The following SYNE2 variants were observed in gnomAD, a reference collection of about 807,000 sequenced individuals.
SYNE2 encodes spectrin repeat containing nuclear envelope protein 2, also known as nesprin-2.
SYNE2 carries 431 observed loss-of-function variants against 856.3 expected under a neutral mutation model. That is an observed-to-expected ratio of 0.50 (90% CI 0.47 to 0.55). The LOEUF (loss-of-function observed/expected upper bound fraction) is 0.55. SYNE2 is among the 20% of genes least tolerant of loss of function. SYNE2 has a pLI of 0.00. For synonymous variants in SYNE2, 2,923 were observed against 2,872.3 expected (o/e 1.02, Z -0.56); for missense variants, 8,129 against 8,023.2 (o/e 1.01, Z -0.50).
At chr14:64,209,156 G>A (rs762702923) in intron 101 of SYNE2, 3 of 837,184 alleles carry the variant, frequency 3.6e-6, no homozygotes, top group Non-Finnish European at 5.6e-6. Context: ...GGGTGTGGCT[G>A]TGGACTGGCC....
intron 94 of SYNE2, chr14:64,173,870 A>T (rs1482306900): frequency 3.1e-6 from 2 of 652,796 alleles, no homozygotes; most frequent in Non-Finnish European, 5.4e-6. Context: ...TTTTTGTATT[A>T]TAAATACCTA....
intron 73 of SYNE2, among the ~76,000 whole-genome samples, chr14:64,127,679 G>A (rs1283792164): frequency 6.6e-6 from 1 of 152,172 alleles, no homozygotes; most frequent in African/African-American, 2.4e-5. Flanking sequence ...CTCCAGGCAG[G>A]TAGAAGAGTT....
At chr14:64,214,173 C>T (rs1347065639) in intron 105 of SYNE2, 21 bp from the exon 106 acceptor site, 3 of 1,614,210 alleles carry the variant, frequency 1.9e-6, no homozygotes, top group Non-Finnish European at 1.7e-6. Flanking sequence ...TTAATTCTAA[C>T]AACTGGATAC....
Position 64,208,784 on chromosome 14 carries a change from C to T in SYNE2, c.18228C>T (p.His6076=), listed in dbSNP as rs780253368. The T allele has an allele frequency of 3.7e-6, 6 of 1,614,222 alleles. No individual in the cohort carries two copies. In the South Asian group the frequency reaches 5.5e-5, roughly 15 times the overall value. ...QQDLQRDIEQ[H]SAGVESVFNI... ...ATCTACAGCGAGATATTGAACAACA[C>T]AGCGCAGGGGTGGAGTCCGTGTTTA... The change falls in exon 101 of 116, where the codon CAC becomes CAT. Residue 6076 remains histidine (H), a synonymous_variant. Coordinates refer to ENST00000555002, the MANE Select transcript of SYNE2 (RefSeq NM_182914.3).
intron 66 of SYNE2, 24 bp downstream of exon 66, chr14:64,113,595 A>G (rs760881100): frequency 1.3e-6 from 2 of 1,579,054 alleles, no homozygotes; most frequent in South Asian, 1.2e-5. Flanking sequence ...GTCAGAGTTC[A>G]TGGTTTGCCT....
chr14:64,105,599 G>A lies in SYNE2; in HGVS notation c.12493-1892G>A, dbSNP rs565732350. ...ACAACTTGCAAGTAGAGCAATCAAGGTTGGTTGATTATAATATCCACATGC... is the reference window on the plus strand; with the variant it reads ...ACAACTTGCAAGTAGAGCAATCAAGATTGGTTGATTATAATATCCACATGC... On this transcript the variant is annotated intron_variant, in intron 64 of 115. Coordinates refer to ENST00000555002, the MANE Select transcript of SYNE2 (RefSeq NM_182914.3). Among the ~76,000 whole-genome samples, 89 of 152,298 alleles carry A rather than the reference G, an allele frequency of 5.8e-4. 3 individuals are homozygous for A. The highest frequency in any genetic ancestry group is 3.5e-3 in the South Asian group (17 of 4,824).
At chr14:64,002,635 A>T in intron 29 of SYNE2, 85 bp from the exon 30 acceptor site, 1 of 1,451,060 alleles carries the variant, frequency 6.9e-7, no homozygotes, top group Non-Finnish European at 9.4e-7. Context: ...GATCAAATCT[A>T]GTCATGCAGT....
At chr14:64,124,188 AC>A (rs2097919101) in intron 70 of SYNE2, among the ~76,000 whole-genome samples, 1 of 151,862 alleles carries the variant, frequency 6.6e-6, no homozygotes, top group Non-Finnish European at 1.5e-5. Flanking sequence ...CCTGGTGACA[AC>A]AGCGAGACTC....
At chr14:64,131,167 G>T (rs1486283437) in intron 76 of SYNE2, among the ~76,000 whole-genome samples, 1 of 152,106 alleles carries the variant, frequency 6.6e-6, no homozygotes, top group African/African-American at 2.4e-5. Flanking sequence ...AAGGATGGAG[G>T]GGAAGAGGAG....
chr14:64,163,341 G>C (rs778656123), intron 88 of SYNE2, 61 bp from the exon 89 acceptor site: 150 of 1,581,862 alleles, frequency 9.5e-5, no homozygotes, highest in Non-Finnish European at 1.3e-4. Context: ...GAGCAGCAGC[G>C]GGTAGGGAAT....
chr14:63,941,782 C>T lies in SYNE2; in HGVS notation c.229C>T (p.Gln77Ter). The T allele has an allele frequency of 2.5e-6, 4 of 1,613,940 alleles. No homozygotes were observed. The highest frequency in any genetic ancestry group is 3.4e-6 in the Non-Finnish European group (4 of 1,179,888). Residue 77 changes from glutamine (Q) to a stop codon, truncating the protein, a stop_gained, in exon 4 of 116, where the codon CAA becomes TAA. Transcript: ENST00000555002. LOFTEE classifies it high-confidence loss of function. ...LLDLLEVLSG[Q>*]QLPRDKGSNT... ...GGATCTGCTAGAAGTACTTTCTGGG[C>T]AACAGTTGGTAAGATTTTTAAATGA... is the stretch of plus-strand genomic sequence containing the variant.
intron 19 of SYNE2, among the ~76,000 whole-genome samples, chr14:63,989,992 A>G (rs376163781): frequency 3.7e-4 from 56 of 152,242 alleles, no homozygotes; most frequent in African/African-American, 1.2e-3. Context: ...TTGTGGTTTC[A>G]TATTTCTGAC....
rs760682527 is a variant in SYNE2, at chr14:63,997,365, T to C, written c.3217T>C (p.Ser1073Pro). The C allele has an allele frequency of 1.9e-6, 3 of 1,613,368 alleles. No individual in the cohort carries two copies. Among genetic ancestry groups the C allele is most frequent in the Non-Finnish European group, 2.5e-6 (3 of 1,179,766 alleles). Residue 1073 changes from serine to proline, a missense_variant, in exon 25 of 116, where the codon TCA becomes CCA. Around this residue, in one of 3 missense-constraint regions of SYNE2, gnomAD observed 2,422 missense variants for 2,357.4 expected, o/e 1.03. Transcript: ENST00000555002. Reference protein sequence around the residue: ...DPHSEAPFAKSDNQPSTEKAM... With the variant: ...DPHSEAPFAKPDNQPSTEKAM... The stretch of plus-strand genomic sequence containing the variant: ...CCACAGTGAGGCACCATTTGCAAAA[T>C]CAGATAATCAGCCATCAACTGAAAA...
At chr14:64,089,996 TG>T (rs2097595538) in intron 59 of SYNE2, among the ~76,000 whole-genome samples, 1 of 152,226 alleles carries the variant, frequency 6.6e-6, no homozygotes, top group Non-Finnish European at 1.5e-5. Flanking sequence ...GCTGCATGAC[TG>T]AGTAATTAAT....
intron 1 of SYNE2, among the ~76,000 whole-genome samples, chr14:63,843,976 C>T (rs1247455480): frequency 2.6e-5 from 4 of 152,154 alleles, no homozygotes; most frequent in Non-Finnish European, 5.9e-5. Flanking sequence ...CAGCTTTCCC[C>T]GCTATCAGCA....
At chr14:64,133,953 T>G in intron 77 of SYNE2, 116 bp from the exon 78 acceptor site, 1 of 1,260,650 alleles carries the variant, frequency 7.9e-7, no homozygotes, top group Non-Finnish European at 1.1e-6. Context: ...ACCTGGAATC[T>G]GTGCTTTAAT....
At chr14:64,155,441 G>T (rs922858736) in intron 85 of SYNE2, among the ~76,000 whole-genome samples, 1 of 152,112 alleles carries the variant, frequency 6.6e-6, no homozygotes, top group Non-Finnish European at 1.5e-5. Context: ...TTAGTGGCTG[G>T]GGAGAACGAG....
At chr14:63,859,146 T>A (rs1351996237) in intron 1 of SYNE2, among the ~76,000 whole-genome samples, 1 of 152,210 alleles carries the variant, frequency 6.6e-6, no homozygotes, top group Non-Finnish European at 1.5e-5. Flanking sequence ...AGGATGCTGC[T>A]AGATACCCTA....
intron 1 of SYNE2, among the ~76,000 whole-genome samples, chr14:63,853,608 G>A (rs1167668465): frequency 6.6e-6 from 1 of 151,652 alleles, no homozygotes; most frequent in African/African-American, 2.4e-5. Context: ...CGCCGCGTGA[G>A]CTGGAAGGCG....
Sources: allele counts gnomAD v4.1 joint callset (sites outside exome capture counted in the v4.1 genomes callset), GRCh38; gene constraint gnomAD v4.1.1; regional missense constraint gnomAD v4.1.1; transcripts MANE v1.5; gene names NCBI Gene and HGNC (gene_info 2026-07-23, HGNC 2026-07-21).